TG: variants seen among roughly 807,000 people sequenced by gnomAD.
The protein encoded by TG is thyroid hormones.
TG carries 270 observed loss-of-function variants against 324.7 expected under a neutral mutation model. That is an observed-to-expected ratio of 0.83 (90% confidence interval 0.75 to 0.92). The LOEUF is 0.92. Ranked by LOEUF, TG falls within the 40% of genes least tolerant of loss-of-function variation. The pLI is 0.00. For synonymous variants in TG, 1,401 were observed against 1,327.0 expected, an observed-to-expected ratio of 1.06 and a Z score of -1.21; for missense variants, 3,591 against 3,456.4, an observed-to-expected ratio of 1.04 and a Z score of -0.98.
At chr8:132,917,044 T>TCCCTCCTG (rs1563951967) in intron 20 of TG, among the ~76,000 whole-genome samples, 1 of 48,450 alleles carries the variant, frequency 2.1e-5, no homozygotes, top group Non-Finnish European at 4.4e-5. Flanking sequence ...CCTCCCTCCC[T>TCCCTCCTG]CCTTCCTTCC....
intron 41 of TG, chr8:133,060,363 T>C (rs1842197595): frequency 2.6e-6 from 4 of 1,538,946 alleles, no homozygotes; most frequent in Middle Eastern, 1.7e-4. Context: ...TTGGTTACTT[T>C]TGCGCAGCTC....
intron 41 of TG, among the ~76,000 whole-genome samples, chr8:133,088,154 A>C (rs1846906891): frequency 6.6e-6 from 1 of 151,704 alleles, no homozygotes; most frequent in Non-Finnish European, 1.5e-5. Context: ...CTTGGGATAG[A>C]CTCTCCCTTG....
intron 35 of TG, chr8:132,994,763 T>A (rs556315048): frequency 7.8e-7 from 1 of 1,287,360 alleles, no homozygotes; most frequent in African/African-American, 1.5e-5. Flanking sequence ...GAGGATGGAG[T>A]GAGGGCTTCC....
At chr8:133,111,360 T>G (rs1850234141) in intron 43 of TG, among the ~76,000 whole-genome samples, 1 of 152,240 alleles carries the variant, frequency 6.6e-6, no homozygotes, top group South Asian at 2.1e-4. Context: ...CGTGCCCAAT[T>G]CACCTTGTTA....
At chr8:133,078,743 C>T (rs1028132453) in intron 41 of TG, among the ~76,000 whole-genome samples, 6 of 152,254 alleles carry the variant, frequency 3.9e-5, no homozygotes, top group Middle Eastern at 3.4e-3. Flanking sequence ...ATGTTCATTA[C>T]GTATTTGCTG....
chr8:133,019,709 C>T lies in TG; in HGVS notation c.6876+14C>T. The T allele has an allele frequency of 3.7e-6, 6 of 1,605,672 alleles. No homozygotes were observed. Among genetic ancestry groups the T allele is most frequent in the Non-Finnish European group, 3.4e-6 (4 of 1,173,316 alleles). On this transcript the variant is annotated intron_variant, in intron 39 of 47. Coordinates refer to ENST00000220616, the MANE Select transcript of TG (RefSeq NM_003235.5). ...CCTCAGAATGTGGTGAGTTCAAAAG[C>T]ACTTGCTATGGTTGCCCTGAAGACT...
chr8:132,993,745 A>G (rs912108869), intron 35 of TG, among the ~76,000 whole-genome samples: 3 of 152,250 alleles, frequency 2.0e-5, no homozygotes, highest in Non-Finnish European at 4.4e-5. Flanking sequence ...TGGATTTTCT[A>G]CAGTAACTTT....
In TG at chr8:132,928,340, A is replaced by AC. The variant is rs1470854454; in HGVS notation, c.4700-733dup. Among the ~76,000 whole-genome samples the AC allele has an allele frequency of 2.6e-5, 4 of 152,214 alleles. No individual in the cohort carries two copies. In the East Asian group the frequency reaches 7.7e-4, roughly 29 times the overall value. On this transcript the variant is annotated intron_variant, in intron 22 of 47. Coordinates refer to ENST00000220616, the MANE Select transcript of TG (RefSeq NM_003235.5). ...ACATAAGTTTTTCTTTTTGACAGTT[A>AC]CCCGTAAGACTGCAAGATATTGACA...
chr8:133,088,928 A>G (rs996195850), intron 41 of TG, among the ~76,000 whole-genome samples: 2 of 152,244 alleles, frequency 1.3e-5, no homozygotes, highest in African/African-American at 4.8e-5. Context: ...GAATACAAAT[A>G]TAAACTTGGA....
At position 132,888,015 on chromosome 8, in the gene TG, A is replaced by C. The variant is rs1377074215; in HGVS notation, c.2208A>C (p.Gln736His). The C allele has an allele frequency of 6.2e-7, 1 of 1,614,090 alleles. No homozygotes were observed. Among genetic ancestry groups the C allele is most frequent in the Non-Finnish European group, 8.5e-7 (1 of 1,180,020 alleles). Reference protein sequence around the residue: ...CPTPCQLQSEQAFLRTVQALL... With the variant: ...CPTPCQLQSEHAFLRTVQALL... ...CGCCCTGTCAATTACAGTCTGAGCA[A>C]GCTTTCCTCAGGACGGTGCAGGCCC... The change falls in exon 10 of 48, where the codon CAA becomes CAC. Residue 736 changes from glutamine to histidine, a missense_variant. By Grantham distance (24) the Gln-to-His change is conservative. Coordinates refer to ENST00000220616, the MANE Select transcript of TG (RefSeq NM_003235.5).
chr8:133,038,463 T>A, intron 41 of TG: 1 of 1,357,814 alleles, frequency 7.4e-7, no homozygotes, highest in Non-Finnish European at 1.1e-6. Flanking sequence ...TTTCGCAAGA[T>A]CCCAGGCAAT....
At chr8:133,073,667 GCAAACC>G (rs1844419936) in intron 41 of TG, among the ~76,000 whole-genome samples, 3 of 152,160 alleles carry the variant, frequency 2.0e-5, no homozygotes, top group Non-Finnish European at 4.4e-5. Flanking sequence ...GCATCTCATA[GCAAACC>G]ACACAATGAC....
At chr8:133,091,820 A>T (rs958361381) in intron 41 of TG, among the ~76,000 whole-genome samples, 2 of 151,100 alleles carry the variant, frequency 1.3e-5, no homozygotes, top group African/African-American at 4.9e-5. Context: ...CCATGAGTGT[A>T]TGCCTGTGAG....
intron 16 of TG, among the ~76,000 whole-genome samples, chr8:132,902,552 A>G (rs1055168909): frequency 6.6e-6 from 1 of 152,100 alleles, no homozygotes. Flanking sequence ...TGCCCTCTGC[A>G]TGGGGCCCTG....
intron 41 of TG, among the ~76,000 whole-genome samples, chr8:133,081,459 A>G (rs1588029459): frequency 6.6e-6 from 1 of 152,358 alleles, no homozygotes; most frequent in East Asian, 1.9e-4. Context: ...TTTCTGGAAC[A>G]TCTCCAAAGT....
chr8:133,114,368 G>A (rs868719488), intron 44 of TG, among the ~76,000 whole-genome samples: 1 of 152,130 alleles, frequency 6.6e-6, no homozygotes, highest in African/African-American at 2.4e-5. Context: ...CTGTCCCCAG[G>A]GTCCCTCTCT....
At chr8:133,128,337 G>GCGCACACACA (rs1491579989) in intron 45 of TG, among the ~76,000 whole-genome samples, 1 of 133,728 alleles carries the variant, frequency 7.5e-6, no homozygotes, top group African/African-American at 2.7e-5. Context: ...CAAAAGGCGT[G>GCGCACACACA]CACACACACA....
intron 45 of TG, among the ~76,000 whole-genome samples, chr8:133,120,510 T>C (rs759673452): frequency 3.3e-5 from 5 of 152,194 alleles, no homozygotes; most frequent in Non-Finnish European, 1.5e-5. Flanking sequence ...ATGCTCCCCC[T>C]GTAGGTGCTA....
chr8:132,965,314 A>C (rs1417739183), intron 29 of TG, among the ~76,000 whole-genome samples: 1 of 152,144 alleles, frequency 6.6e-6, no homozygotes, highest in Non-Finnish European at 1.5e-5. Flanking sequence ...TGACCTTTCC[A>C]AGTACTCATA....
Sources: gnomAD v4.1 joint callset for allele counts (sites outside exome capture counted in the v4.1 genomes callset) on GRCh38, gnomAD v4.1.1 for gene constraint, MANE v1.5 for transcripts, NCBI Gene and HGNC (gene_info 2026-07-23, HGNC 2026-07-21) for gene names.